The following GLI3 variants were observed in gnomAD, a reference collection of about 807,000 sequenced individuals.
GLI3 encodes the protein transcription activator GLI3.
Under a neutral mutation model 100.8 loss-of-function variants are expected in GLI3, and 20 were observed. The ratio of observed to expected loss-of-function variants is 0.20; its 90% CI spans 0.14 to 0.29. The LOEUF (loss-of-function observed/expected upper bound fraction) is 0.29, where lower values mean the gene tolerates loss of function less well. Ranked by LOEUF, GLI3 falls within the 10% of genes least tolerant of loss-of-function variation. GLI3 has a pLI of 1.00. For missense variants in GLI3, 2,040 were observed against 2,128.5 expected, an observed-to-expected ratio of 0.96 and a Z score of 0.82; for synonymous variants, 938 against 860.5, an observed-to-expected ratio of 1.09 and a Z score of -1.58.
At chr7:42,258,283 C>A (rs543733560) in intron 1 of GLI3, among the ~76,000 whole-genome samples, 61 of 152,236 alleles carry the variant, frequency 4.0e-4, no homozygotes, top group African/African-American at 1.3e-3. Flanking sequence ...CCTGTATGAC[C>A]AACATTTTTA....
In GLI3 at chr7:42,126,552, G is replaced by A. The variant is rs149145928; in HGVS notation, c.367+21674C>T. ...AAAGTTAAGAGAGAATATGCAGGCC[G>A]CAATCCAATAGAGTTGGAATAACTG... On this transcript the variant is annotated intron_variant, in intron 3 of 14. Coordinates refer to ENST00000395925, the MANE Select transcript of GLI3 (RefSeq NM_000168.6). Among the ~76,000 whole-genome samples the A allele has an allele frequency of 5.0e-3, 765 of 152,252 alleles. 16 individuals are homozygous for A. Among genetic ancestry groups the A allele is most frequent in the East Asian group, 0.03 (153 of 5,182 alleles).
intron 3 of GLI3, among the ~76,000 whole-genome samples, chr7:42,107,478 C>T (rs746009430): frequency 1.2e-4 from 18 of 152,180 alleles, no homozygotes; most frequent in Non-Finnish European, 2.4e-4. Context: ...AGAAACAGGT[C>T]GCAGGACAAC....
chr7:42,190,131 TCTTA>T (rs1206697431), intron 2 of GLI3, among the ~76,000 whole-genome samples: 3 of 104,790 alleles, frequency 2.9e-5, no homozygotes, highest in African/African-American at 1.4e-4. Context: ...ATGAATATCA[TCTTA>T]CTGTCAAAAA....
intron 1 of GLI3, among the ~76,000 whole-genome samples, chr7:42,255,277 A>G (rs1789073709): frequency 6.6e-6 from 1 of 151,778 alleles, no homozygotes; most frequent in Non-Finnish European, 1.5e-5. Context: ...ATCCTGTTAC[A>G]CTCTCTCATA....
intron 3 of GLI3, among the ~76,000 whole-genome samples, chr7:42,101,550 G>A (rs1448028512): frequency 6.6e-6 from 1 of 151,982 alleles, no homozygotes. Flanking sequence ...AGGCTGCAGT[G>A]AGCCATGTTG....
intron 1 of GLI3, among the ~76,000 whole-genome samples, chr7:42,246,571 G>A (rs1788974489): frequency 6.6e-6 from 1 of 152,112 alleles, no homozygotes; most frequent in South Asian, 2.1e-4. Flanking sequence ...GCCATATCAT[G>A]AAGCTGTATT....
intron 1 of GLI3, among the ~76,000 whole-genome samples, chr7:42,234,749 T>G (rs925400912): frequency 6.6e-6 from 1 of 152,196 alleles, no homozygotes; most frequent in African/African-American, 2.4e-5. Context: ...GACTCATTCA[T>G]GCATCTTAAA....
At chr7:42,193,038 T>C (rs1368927922) in intron 2 of GLI3, among the ~76,000 whole-genome samples, 1 of 151,764 alleles carries the variant, frequency 6.6e-6, no homozygotes, top group Non-Finnish European at 1.5e-5. Flanking sequence ...AAGTTTAGGG[T>C]TTCAAAAAAG....
chr7:42,131,313 G>A (rs543873616), intron 3 of GLI3, among the ~76,000 whole-genome samples: 2 of 152,150 alleles, frequency 1.3e-5, no homozygotes, highest in African/African-American at 2.4e-5. Context: ...AGGTTGGGGA[G>A]TGGGGGGATG....
intron 2 of GLI3, among the ~76,000 whole-genome samples, chr7:42,219,424 C>CT (rs985553001): frequency 7.6e-5 from 11 of 145,156 alleles, no homozygotes; most frequent in Middle Eastern, 3.5e-3. Context: ...TTTGACTTGC[C>CT]TTTTTTTTTT....
Position 41,984,764 on chromosome 7 carries a change from C to T in GLI3, c.1498-6016G>A, listed in dbSNP as rs138553495. On this transcript the variant is annotated intron_variant, in intron 10 of 14. Transcript: ENST00000395925. ...AGCTCCCCTGCGCATGTACTTTTCA[C>T]GCCAGTCTTTCTGTCAGTATCTAAT... 1.9e-4 allele frequency among the ~76,000 whole-genome samples: 29 copies of T among 152,352 alleles called. No individual in the cohort carries two copies. The East Asian group carries it at 4.8e-3, about 25-fold the overall frequency.
intron 13 of GLI3, 135 bp from the exon 14 acceptor site, chr7:41,968,058 G>T: frequency 1.2e-6 from 1 of 819,922 alleles, no homozygotes; most frequent in Non-Finnish European, 2.1e-6. Context: ...CTATGTTCTG[G>T]TGAATGGAGC....
chr7:42,062,445 C>T (rs1411373632), intron 4 of GLI3, among the ~76,000 whole-genome samples: 1 of 152,154 alleles, frequency 6.6e-6, no homozygotes, highest in East Asian at 1.9e-4. Context: ...TTTGATACTA[C>T]TCCCAGGAGA....
intron 2 of GLI3, among the ~76,000 whole-genome samples, chr7:42,212,048 C>A (rs1788282839): frequency 6.6e-6 from 1 of 152,202 alleles, no homozygotes; most frequent in African/African-American, 2.4e-5. Context: ...TGGATGTAAG[C>A]CAATGGTTAC....
intron 4 of GLI3, among the ~76,000 whole-genome samples, chr7:42,066,871 T>C (rs1365666720): frequency 6.6e-6 from 1 of 152,172 alleles, no homozygotes; most frequent in Non-Finnish European, 1.5e-5. Context: ...ATTAAAATAC[T>C]TGAGGCTGAC....
At chr7:42,118,752 C>G (rs895082871) in intron 3 of GLI3, among the ~76,000 whole-genome samples, 4 of 152,174 alleles carry the variant, frequency 2.6e-5, no homozygotes, top group African/African-American at 9.7e-5. Flanking sequence ...TAAGTTCTCA[C>G]CAGCTTAACT....
chr7:42,041,552 C>A (rs1391160617), intron 6 of GLI3, among the ~76,000 whole-genome samples: 2 of 152,136 alleles, frequency 1.3e-5, no homozygotes, highest in Non-Finnish European at 1.5e-5. Flanking sequence ...TGAAGAGTTT[C>A]TAACACCTCA....
At chr7:42,115,798 A>G (rs75651617) in intron 3 of GLI3, among the ~76,000 whole-genome samples, 1,969 of 152,284 alleles carry the variant, frequency 0.013, 47 homozygotes, top group African/African-American at 0.045. Flanking sequence ...GTGATTTCTT[A>G]TCCCCTCTGA....
intron 2 of GLI3, among the ~76,000 whole-genome samples, chr7:42,186,695 C>G (rs1787722808): frequency 6.6e-6 from 1 of 152,172 alleles, no homozygotes; most frequent in African/African-American, 2.4e-5. Context: ...CTAAATAAAC[C>G]TAGACAAACA....
Sources: gnomAD v4.1 joint callset for allele counts (sites outside exome capture counted in the v4.1 genomes callset) on GRCh38, gnomAD v4.1.1 for gene constraint, MANE v1.5 for transcripts, NCBI Gene and HGNC (gene_info 2026-07-23, HGNC 2026-07-21) for gene names.